The following CCSER1 variants were observed in gnomAD, a reference collection of about 807,000 sequenced individuals.
CCSER1 encodes the protein coiled-coil serine rich protein 1, also known as serine-rich coiled-coil domain-containing protein 1.
CCSER1 carries 41 observed loss-of-function variants against 82.0 expected under a neutral mutation model. The ratio of observed to expected loss-of-function variants is 0.50; its 90% CI spans 0.39 to 0.65. CCSER1 has a LOEUF of 0.65. CCSER1 is among the 30% of genes least tolerant of loss of function. The pLI is 0.00. For missense variants in CCSER1, 1,119 were observed against 1,064.2 expected, an observed-to-expected ratio of 1.05 and a Z score of -0.72; for synonymous variants, 414 against 383.9, an observed-to-expected ratio of 1.08 and a Z score of -0.92.
chr4:90,932,697 G>A lies in CCSER1; in HGVS notation c.2172+9250G>A, dbSNP rs191588607. Reference sequence around the variant, plus strand: ...ATAAAAATTAGCCTGGCGTTGTTGCGGACAACTGTAATTCCAGCTACTCAA... The same window carrying A: ...ATAAAAATTAGCCTGGCGTTGTTGCAGACAACTGTAATTCCAGCTACTCAA... On this transcript the variant is annotated intron_variant, in intron 9 of 10. Transcript: ENST00000509176. Among the ~76,000 whole-genome samples, 36 of 150,488 alleles carry A rather than the reference G, an allele frequency of 2.4e-4. 1 individual carries two copies. The South Asian group carries it at 7.2e-3, about 30-fold the overall frequency.
intron 10 of CCSER1, among the ~76,000 whole-genome samples, chr4:91,153,677 G>A (rs892525130): frequency 6.6e-6 from 1 of 151,830 alleles, no homozygotes; most frequent in Non-Finnish European, 1.5e-5. Context: ...GTGACATACC[G>A]ATGGTGTTTT....
At chr4:90,153,652 T>C (rs1250403849) in intron 1 of CCSER1, among the ~76,000 whole-genome samples, 1 of 152,202 alleles carries the variant, frequency 6.6e-6, no homozygotes, top group South Asian at 2.1e-4. Context: ...GTGAGCATTT[T>C]TTCATGCGGT....
chr4:90,887,565 G>T (rs114870898), intron 8 of CCSER1, among the ~76,000 whole-genome samples: 1 of 152,044 alleles, frequency 6.6e-6, no homozygotes, highest in Non-Finnish European at 1.5e-5. Context: ...AGAATATCTA[G>T]AAGAGATGTT....
chr4:90,590,649 A>G (rs1782578131), intron 5 of CCSER1, among the ~76,000 whole-genome samples: 1 of 151,496 alleles, frequency 6.6e-6, no homozygotes, highest in Admixed American at 6.6e-5. Flanking sequence ...TCTGTTCCAT[A>G]AGCCTATATG....
chr4:90,794,531 T>C lies in CCSER1; in HGVS notation c.2011-21231T>C, dbSNP rs890535604. Among the ~76,000 whole-genome samples the C allele has an allele frequency of 1.3e-5, 2 of 152,240 alleles. 1 individual carries two copies. The highest frequency in any genetic ancestry group is 1.3e-4 in the Admixed American group (2 of 15,280). ...TGTTCCATTGGTCTAAGTGTCTGTT[T>C]TGTACCAGTACCATGCTGTTTTGGT... On this transcript the variant is annotated intron_variant, in intron 7 of 10. Coordinates refer to ENST00000509176, the MANE Select transcript of CCSER1 (RefSeq NM_001145065.2).
intron 5 of CCSER1, among the ~76,000 whole-genome samples, chr4:90,539,127 T>C (rs1775783362): frequency 6.6e-6 from 1 of 152,082 alleles, no homozygotes; most frequent in Non-Finnish European, 1.5e-5. Flanking sequence ...ACTTATTATA[T>C]CACAATTTTG....
chr4:90,815,745 C>G lies in CCSER1; in HGVS notation c.2011-17C>G, dbSNP rs1383351440. The G allele has an allele frequency of 1.3e-6, 2 of 1,541,172 alleles. No individual in the cohort carries two copies. The highest frequency in any genetic ancestry group is 1.8e-6 in the Non-Finnish European group (2 of 1,138,478). On this transcript the variant is annotated splice_polypyrimidine_tract_variant and intron_variant, in intron 7 of 10. Transcript: ENST00000509176. ...AAGGGCTAAGCCTATTATGCTGTCT[C>G]TTTGATGTTTTTATAGGATATAATG...
chr4:90,135,575 C>A (rs1263905946), intron 1 of CCSER1, among the ~76,000 whole-genome samples: 2 of 152,172 alleles, frequency 1.3e-5, no homozygotes, highest in Non-Finnish European at 2.9e-5. Flanking sequence ...TGGCATATTG[C>A]CTTGCTCCTG....
At chr4:90,160,111 C>T (rs1253316693) in intron 1 of CCSER1, among the ~76,000 whole-genome samples, 1 of 152,160 alleles carries the variant, frequency 6.6e-6, no homozygotes, top group Non-Finnish European at 1.5e-5. Context: ...GGGGGCAGAG[C>T]AGGATTTAAC....
At chr4:90,998,753 TG>T (rs1561457986) in intron 9 of CCSER1, among the ~76,000 whole-genome samples, 10 of 151,950 alleles carry the variant, frequency 6.6e-5, no homozygotes, top group African/African-American at 2.4e-4. Context: ...CATTAGATTA[TG>T]AGAGTACATA....
chr4:90,662,468 C>G (rs1190726212), intron 6 of CCSER1, among the ~76,000 whole-genome samples: 1 of 151,808 alleles, frequency 6.6e-6, no homozygotes, highest in Non-Finnish European at 1.5e-5. Context: ...GCTAATTGAT[C>G]TCTAAAATTT....
intron 1 of CCSER1, among the ~76,000 whole-genome samples, chr4:90,276,306 C>CCTTT (rs1185972525): frequency 9.9e-6 from 1 of 101,230 alleles, no homozygotes; most frequent in African/African-American, 4.2e-5. Context: ...TTCCTTCCTT[C>CCTTT]CTTTCTTTCT....
At chr4:90,784,424 A>G (rs1197892127) in intron 7 of CCSER1, among the ~76,000 whole-genome samples, 1 of 152,218 alleles carries the variant, frequency 6.6e-6, no homozygotes, top group Non-Finnish European at 1.5e-5. Context: ...ATTTTCAATA[A>G]CAATGTGTTC....
chr4:90,646,089 C>G (rs548787618), intron 6 of CCSER1, among the ~76,000 whole-genome samples: 5 of 152,076 alleles, frequency 3.3e-5, no homozygotes, highest in African/African-American at 1.2e-4. Context: ...GGTAAAAGAG[C>G]AGTAAATATT....
At chr4:90,490,176 A>G (rs1028182794) in intron 5 of CCSER1, among the ~76,000 whole-genome samples, 1 of 152,114 alleles carries the variant, frequency 6.6e-6, no homozygotes, top group African/African-American at 2.4e-5. Flanking sequence ...CATCCTCTCC[A>G]GCACCTGTTG....
At position 90,597,529 on chromosome 4, in the gene CCSER1, AT is replaced by A. The variant is rs1021750850; in HGVS notation, c.1725-30488del. 3.9e-5 allele frequency among the ~76,000 whole-genome samples: 6 copies of A among 151,984 alleles called. No homozygotes were observed. In the South Asian group the frequency reaches 6.2e-4, roughly 16 times the overall value. ...GTAACACCTCCCATAATTTTCTTTAATTTTTTTTAAAAAATACATTTGACTG... is the reference window on the plus strand; with the variant it reads ...GTAACACCTCCCATAATTTTCTTTAATTTTTTTAAAAAATACATTTGACTG... On this transcript the variant is annotated intron_variant, in intron 5 of 10. Coordinates refer to ENST00000509176, the MANE Select transcript of CCSER1 (RefSeq NM_001145065.2).
At chr4:90,521,882 T>A (rs1773182991) in intron 5 of CCSER1, among the ~76,000 whole-genome samples, 1 of 152,148 alleles carries the variant, frequency 6.6e-6, no homozygotes, top group African/African-American at 2.4e-5. Context: ...AACCACTCCC[T>A]GTTTCTTGAA....
intron 10 of CCSER1, among the ~76,000 whole-genome samples, chr4:91,482,233 T>G (rs1757963828): frequency 7.1e-6 from 1 of 139,874 alleles, no homozygotes; most frequent in Admixed American, 7.2e-5. Context: ...AAACCCCGTC[T>G]CTACTAAAAA....
At chr4:90,292,973 A>G (rs891583714) in intron 1 of CCSER1, among the ~76,000 whole-genome samples, 2 of 151,900 alleles carry the variant, frequency 1.3e-5, no homozygotes, top group Admixed American at 1.3e-4. Flanking sequence ...AGACTTTGGT[A>G]TTCATCCTAT....
Sources: gnomAD v4.1 joint callset for allele counts (sites outside exome capture counted in the v4.1 genomes callset) on GRCh38, gnomAD v4.1.1 for gene constraint, MANE v1.5 for transcripts, NCBI Gene and HGNC (gene_info 2026-07-23, HGNC 2026-07-21) for gene names.